RECK: variants seen among roughly 807,000 people sequenced by gnomAD.
RECK encodes the protein reversion-inducing cysteine-rich protein with Kazal motifs.
A neutral mutation model predicts 115.1 loss-of-function variants in RECK; 69 were observed. The observed-to-expected ratio is 0.60, with a 90% CI of 0.49 to 0.73. The LOEUF (loss-of-function observed/expected upper bound fraction) is 0.73. Ranked by LOEUF, RECK falls within the 30% of genes least tolerant of loss-of-function variation. The pLI, the probability that RECK is intolerant of heterozygous loss-of-function variation, is 0.00. For synonymous variants in RECK, 414 were observed against 419.7 expected (o/e 0.99, Z 0.17); for missense variants, 1,047 against 1,203.7 (o/e 0.87, Z 1.93).
chr9:36,111,573 T>C (rs940292279), intron 15 of RECK, among the ~76,000 whole-genome samples: 2 of 152,144 alleles, frequency 1.3e-5, no homozygotes, highest in Non-Finnish European at 2.9e-5. Flanking sequence ...TTTGTATTTT[T>C]AGTAGAGATG....
Position 36,122,955 on chromosome 9 carries a change from GGCCGGT to G in RECK, c.2828_2833del (p.Ala943_Gly944del). 1 of 1,614,110 alleles carries G rather than the reference GGCCGGT, an allele frequency of 6.2e-7. No individual in the cohort carries two copies. Among genetic ancestry groups the G allele is most frequent in the Non-Finnish European group, 8.5e-7 (1 of 1,180,040 alleles). ...TACAGGTCTCCAGCAGTGTGCCATC[GGCCGGT>G]GTCAGGGCCAGGCCTTCTTGCCACT... is the stretch of plus-strand genomic sequence containing the variant. On this transcript the variant is annotated inframe_deletion, in exon 21 of 21. Transcript: ENST00000377966.
rs1823248528 is a variant in RECK, at chr9:36,093,878, AT to A, written c.1085+2536del. On this transcript the variant is annotated intron_variant, in intron 10 of 20. Coordinates refer to ENST00000377966, the MANE Select transcript of RECK (RefSeq NM_021111.3). ...AGGGAGAAAAAAAGACACTTTACATATGATGGAATAACAATAAAAATGACAA... is the reference window on the plus strand; with the variant it reads ...AGGGAGAAAAAAAGACACTTTACATAGATGGAATAACAATAAAAATGACAA... Among the ~76,000 whole-genome samples the A allele has an allele frequency of 3.9e-5, 6 of 152,310 alleles. No homozygotes were observed. The South Asian group carries it at 1.2e-3, about 32-fold the overall frequency.
intron 4 of RECK, among the ~76,000 whole-genome samples, chr9:36,060,864 G>GC (rs912995329): frequency 6.6e-6 from 1 of 152,082 alleles, no homozygotes; most frequent in Non-Finnish European, 1.5e-5. Flanking sequence ...GCATCCAGGT[G>GC]CCATCTGAAG....
At chr9:36,115,550 A>G (rs1221095198) in intron 16 of RECK, among the ~76,000 whole-genome samples, 3 of 151,902 alleles carry the variant, frequency 2.0e-5, no homozygotes, top group Non-Finnish European at 4.4e-5. Context: ...AAGTTACCAA[A>G]TTTCTCCTGA....
chr9:36,110,168 T>G, intron 15 of RECK, 89 bp downstream of exon 15: 1 of 1,374,128 alleles, frequency 7.3e-7, no homozygotes, highest in Non-Finnish European at 1.0e-6. Flanking sequence ...CAGTCTTAAC[T>G]GCAAATGTAC....
chr9:36,086,410 C>T (rs556599761), intron 8 of RECK, among the ~76,000 whole-genome samples: 32 of 152,154 alleles, frequency 2.1e-4, no homozygotes, highest in African/African-American at 7.5e-4. Context: ...TTGTTCCTCC[C>T]AGTGGGTTCG....
chr9:36,060,344 T>G (rs942255885), intron 4 of RECK, among the ~76,000 whole-genome samples, 189 bp downstream of exon 4: 8 of 152,154 alleles, frequency 5.3e-5, no homozygotes, highest in Admixed American at 1.3e-4. Flanking sequence ...CTTGAACTCC[T>G]GGCCTCAAGT....
intron 6 of RECK, among the ~76,000 whole-genome samples, chr9:36,074,030 C>T (rs1165131620): frequency 1.3e-5 from 2 of 152,072 alleles, no homozygotes; most frequent in African/African-American, 4.8e-5. Context: ...TCTCCACAAC[C>T]ACCCCCCACA....
chr9:36,099,089 G>T (rs1200570052), intron 10 of RECK, among the ~76,000 whole-genome samples: 1 of 152,230 alleles, frequency 6.6e-6, no homozygotes, highest in Non-Finnish European at 1.5e-5. Context: ...AACCAGGTGT[G>T]GTGGTGGGTG....
intron 13 of RECK, among the ~76,000 whole-genome samples, chr9:36,106,100 C>T (rs1264405028): frequency 6.6e-6 from 1 of 150,406 alleles, no homozygotes; most frequent in East Asian, 2.0e-4. Context: ...GTCCCAGCTA[C>T]TCGGGAGGCT....
At chr9:36,057,013 G>A in intron 2 of RECK, 1 of 985,286 alleles carries the variant, frequency 1.0e-6, no homozygotes. Flanking sequence ...GCTATTTGCA[G>A]GTAATCATGA....
chr9:36,120,483 T>C, intron 18 of RECK, among the ~76,000 whole-genome samples, 180 bp from the exon 19 acceptor site: 1 of 152,078 alleles, frequency 6.6e-6, no homozygotes, highest in East Asian at 1.9e-4. Flanking sequence ...AGAAAGGATT[T>C]TGGTAAATGT....
intron 2 of RECK, among the ~76,000 whole-genome samples, chr9:36,053,328 A>G (rs1297026269): frequency 6.6e-6 from 1 of 152,188 alleles, no homozygotes; most frequent in Non-Finnish European, 1.5e-5. Context: ...AGTCTCAATC[A>G]TCTTTTAGAG....
rs147737826 is a variant in RECK at position 36,052,684 on chromosome 9, C to A, written c.159+361C>A. ...ATTATGAAGAAGTAGTCGGGCAAAC[C>A]CAGTTTGAGGAATATTCCTCAAAAC... is the stretch of plus-strand genomic sequence containing the variant. On this transcript the variant is annotated intron_variant, in intron 2 of 20. Coordinates refer to ENST00000377966, the MANE Select transcript of RECK (RefSeq NM_021111.3). Among the ~76,000 whole-genome samples the A allele has an allele frequency of 4.6e-3, 703 of 152,052 alleles. 1 individual carries two copies. The highest frequency in any genetic ancestry group is 7.0e-3 in the Non-Finnish European group (473 of 67,976).
In RECK at chr9:36,118,814, G is replaced by A; in HGVS notation, c.2311G>A (p.Val771Met). 1 of 1,614,188 alleles carries A rather than the reference G, an allele frequency of 6.2e-7. No individual in the cohort carries two copies. The highest frequency in any genetic ancestry group is 8.5e-7 in the Non-Finnish European group (1 of 1,180,040). ...CGHNGETYSS[V>M]CAAYSDRVAV... The stretch of plus-strand genomic sequence containing the variant: ...GCACAATGGTGAGACCTACAGCAGT[G>A]TGTGTGCTGCCTACTCGGATCGCGT... The change falls in exon 18 of 21, where the codon GTG becomes ATG. Residue 771 changes from valine (V) to methionine (M), a missense_variant. Coordinates refer to ENST00000377966, the MANE Select transcript of RECK (RefSeq NM_021111.3).
At chr9:36,092,162 G>T (rs928069463) in intron 10 of RECK, among the ~76,000 whole-genome samples, 4 of 152,136 alleles carry the variant, frequency 2.6e-5, no homozygotes, top group African/African-American at 9.7e-5. Flanking sequence ...GTATTAGCCA[G>T]TAAAGACCTG....
intron 1 of RECK, among the ~76,000 whole-genome samples, chr9:36,051,096 G>C (rs1199224579): frequency 6.6e-6 from 1 of 152,082 alleles, no homozygotes; most frequent in African/African-American, 2.4e-5. Flanking sequence ...TTTTTTGAAT[G>C]AATGATCAGT....
chr9:36,122,182 C>A (rs1442432375), intron 20 of RECK, among the ~76,000 whole-genome samples: 1 of 152,146 alleles, frequency 6.6e-6, no homozygotes, highest in East Asian at 1.9e-4. Flanking sequence ...ACATGTAGAA[C>A]CCCACTCACG....
At chr9:36,098,437 G>A (rs1241829022) in intron 10 of RECK, among the ~76,000 whole-genome samples, 5 of 152,116 alleles carry the variant, frequency 3.3e-5, no homozygotes, top group African/African-American at 1.2e-4. Context: ...GCAATTCAGT[G>A]CCTCCTCACC....
Sources: allele counts gnomAD v4.1 joint callset (sites outside exome capture counted in the v4.1 genomes callset), GRCh38; gene constraint gnomAD v4.1.1; transcripts MANE v1.5; gene names NCBI Gene and HGNC (gene_info 2026-07-23, HGNC 2026-07-21).